SORCS1: variants seen among roughly 807,000 people sequenced by gnomAD.
SORCS1 encodes VPS10 domain-containing receptor SorCS1.
Under a neutral mutation model 146.1 loss-of-function variants are expected in SORCS1, and 60 were observed. The ratio of observed to expected loss-of-function variants is 0.41; its 90% CI spans 0.33 to 0.51. The LOEUF (loss-of-function observed/expected upper bound fraction) is 0.51. Among genes scored for constraint, SORCS1 ranks in the 20% least tolerant of loss-of-function variants. The probability of loss-of-function intolerance (pLI) is 0.21; values close to 1 mark genes in which losing one functional copy is unlikely to be tolerated. For synonymous variants in SORCS1, 637 were observed against 584.0 expected (o/e 1.09, Z -1.31); for missense variants, 1,352 against 1,487.6 (o/e 0.91, Z 1.50).
chr10:106,647,874 T>C (rs1015079870), intron 18 of SORCS1, among the ~76,000 whole-genome samples: 2 of 152,112 alleles, frequency 1.3e-5, no homozygotes, highest in African/African-American at 4.8e-5. Flanking sequence ...TAATTTTAAT[T>C]TTAATGTGTT....
chr10:106,596,345 G>C (rs1476492227), intron 24 of SORCS1, among the ~76,000 whole-genome samples: 1 of 152,164 alleles, frequency 6.6e-6, no homozygotes, highest in Non-Finnish European at 1.5e-5. Context: ...TGGAGCACCA[G>C]CATGGTACTC....
chr10:106,786,649 AG>A (rs1219755245), intron 3 of SORCS1, among the ~76,000 whole-genome samples: 1 of 152,016 alleles, frequency 6.6e-6, no homozygotes, highest in African/African-American at 2.4e-5. Flanking sequence ...TCACCTCTCA[AG>A]GGAAGAAAAG....
At chr10:107,180,567 A>G in the SORCS1 span, among the ~76,000 whole-genome samples, 1 of 151,924 alleles carries the variant, frequency 6.6e-6, no homozygotes, top group South Asian at 2.1e-4. Context: ...TTATATTTTC[A>G]AAGAACCAGC....
At chr10:106,734,623 A>G (rs913022133) in intron 5 of SORCS1, among the ~76,000 whole-genome samples, 10 of 152,214 alleles carry the variant, frequency 6.6e-5, no homozygotes, top group African/African-American at 2.4e-4. Flanking sequence ...GTATTAATTT[A>G]TCTGTATATG....
rs532696192 is a variant in SORCS1, at chr10:107,027,251, C to G, written c.559-70671G>C. ...GGAAGATTTGGAAGCCCTCCAGGAT[C>G]TGGCTGAGTGATGTGCCTCCTCTCA... On this transcript the variant is annotated intron_variant, in intron 1 of 25. Transcript: ENST00000263054. 7.9e-5 allele frequency among the ~76,000 whole-genome samples: 12 copies of G among 152,068 alleles called. No homozygotes were observed. The South Asian group carries it at 2.5e-3, about 32-fold the overall frequency.
chr10:106,986,017 C>T (rs1198695187), intron 1 of SORCS1, among the ~76,000 whole-genome samples: 2 of 151,868 alleles, frequency 1.3e-5, no homozygotes, highest in Non-Finnish European at 2.9e-5. Context: ...TAGTGGTGAT[C>T]ATGATGTAAC....
intron 1 of SORCS1, among the ~76,000 whole-genome samples, chr10:106,995,673 T>C (rs1031228426): frequency 1.3e-5 from 2 of 152,126 alleles, no homozygotes; most frequent in Non-Finnish European, 2.9e-5. Context: ...CATGGGAAGT[T>C]GAGCACTGAC....
chr10:106,757,552 T>G (rs1402020717), intron 5 of SORCS1, among the ~76,000 whole-genome samples: 2 of 152,204 alleles, frequency 1.3e-5, no homozygotes, highest in African/African-American at 4.8e-5. Context: ...ATACAGACCA[T>G]GTGGGCAGAG....
intron 9 of SORCS1, among the ~76,000 whole-genome samples, chr10:106,698,103 A>T (rs1853845448): frequency 6.6e-6 from 1 of 152,366 alleles, no homozygotes; most frequent in East Asian, 1.9e-4. Flanking sequence ...TAAATTTGGC[A>T]TACAGTTTAC....
intron 1 of SORCS1, among the ~76,000 whole-genome samples, chr10:107,067,743 A>C (rs1289439255): frequency 6.6e-6 from 1 of 152,190 alleles, no homozygotes; most frequent in African/African-American, 2.4e-5. Context: ...GATCTTGAAT[A>C]ACTCACTTTA....
intron 18 of SORCS1, among the ~76,000 whole-genome samples, chr10:106,651,341 C>T (rs1849849053): frequency 6.6e-6 from 1 of 152,152 alleles, no homozygotes; most frequent in Non-Finnish European, 1.5e-5. Flanking sequence ...CCCAGCCTTG[C>T]CACTGTTTTG....
chr10:106,910,310 TGTGTGA>T (rs1300302793), intron 2 of SORCS1, among the ~76,000 whole-genome samples: 4 of 130,986 alleles, frequency 3.1e-5, no homozygotes, highest in African/African-American at 6.9e-5. Context: ...TGTGTGTGTG[TGTGTGA>T]GACAGTATAT....
intron 5 of SORCS1, among the ~76,000 whole-genome samples, chr10:106,732,836 CA>C (rs1332552169): frequency 6.6e-6 from 1 of 152,086 alleles, no homozygotes; most frequent in Non-Finnish European, 1.5e-5. Flanking sequence ...AAAAAACAGG[CA>C]AGGCCAGGTG....
At chr10:106,996,838 A>G (rs770831119) in intron 1 of SORCS1, among the ~76,000 whole-genome samples, 4 of 152,166 alleles carry the variant, frequency 2.6e-5, no homozygotes, top group Non-Finnish European at 5.9e-5. Context: ...AATACTCAGG[A>G]AACCTTGCTT....
chr10:106,709,737 C>T (rs891147729), intron 6 of SORCS1, among the ~76,000 whole-genome samples: 2 of 152,036 alleles, frequency 1.3e-5, no homozygotes, highest in African/African-American at 4.8e-5. Context: ...CGTGAGCCAC[C>T]GCGCCCAGCC....
At chr10:106,649,869 T>C (rs542019134) in intron 18 of SORCS1, among the ~76,000 whole-genome samples, 1 of 152,298 alleles carries the variant, frequency 6.6e-6, no homozygotes, top group South Asian at 2.1e-4. Context: ...CTTCTATTCA[T>C]ATGGGTTCAA....
intron 2 of SORCS1, among the ~76,000 whole-genome samples, chr10:106,942,452 C>A (rs181021585): frequency 6.6e-6 from 1 of 152,198 alleles, no homozygotes; most frequent in Non-Finnish European, 1.5e-5. Context: ...AAAGCACAGT[C>A]ATGCTGACCC....
chr10:106,672,878 A>G lies in SORCS1; in HGVS notation c.2048T>C (p.Leu683Pro), dbSNP rs774492467. ...TTCTTTTCCTCCTACCTGGCTGTGC[A>G]GCTGCCAAGGTCTGTAGTCCTCTTC... ...CAEEDYRPWQ[L>P]HSQGEACIMG... is the part of the protein sequence containing the mutation. The change falls in exon 15 of 26, where the codon CTG becomes CCG. Residue 683 changes from leucine to proline, a missense_variant. Leu to Pro is a moderately conservative substitution (Grantham distance 98). This residue lies in a region of SORCS1 where 648 missense variants were observed against 793.8 expected (regional missense o/e 0.82). Coordinates refer to ENST00000263054, the MANE Select transcript of SORCS1 (RefSeq NM_052918.5). 1.9e-6 allele frequency: 3 copies of G among 1,613,878 alleles called. No individual in the cohort carries two copies. The highest frequency in any genetic ancestry group is 2.5e-6 in the Non-Finnish European group (3 of 1,179,804).
chr10:106,865,861 C>T (rs1365820615), intron 2 of SORCS1, among the ~76,000 whole-genome samples: 2 of 151,476 alleles, frequency 1.3e-5, no homozygotes, highest in Non-Finnish European at 2.9e-5. Flanking sequence ...GGTGAAACTC[C>T]ATCTCTACTG....
Sources: gnomAD v4.1 joint callset for allele counts (sites outside exome capture counted in the v4.1 genomes callset) on GRCh38, gnomAD v4.1.1 for gene constraint, gnomAD v4.1.1 regional missense constraint, MANE v1.5 for transcripts, NCBI Gene and HGNC (gene_info 2026-07-23, HGNC 2026-07-21) for gene names.